The following TCAIM variants were observed in gnomAD, a reference collection of about 807,000 sequenced individuals.
The protein encoded by TCAIM is T cell activation inhibitor, mitochondrial.
A neutral mutation model predicts 58.6 loss-of-function variants in TCAIM; 36 were observed. That is an observed-to-expected ratio of 0.61 (90% CI 0.47 to 0.81). TCAIM has a LOEUF of 0.81. Among genes scored for constraint, TCAIM ranks in the 30% least tolerant of loss-of-function variants. The pLI is 0.00. For synonymous variants in TCAIM, 172 were observed against 193.6 expected (o/e 0.89, Z 0.93); for missense variants, 466 against 579.6 (o/e 0.80, Z 2.01).
At chr3:44,403,844 G>A (rs190742450) in intron 10 of TCAIM, among the ~76,000 whole-genome samples, 1 of 152,090 alleles carries the variant, frequency 6.6e-6, no homozygotes, top group East Asian at 1.9e-4. Context: ...CCTGGTCTGA[G>A]CCTCCATCAT....
chr3:44,394,623 T>C (rs578122412), intron 6 of TCAIM, among the ~76,000 whole-genome samples: 1 of 151,660 alleles, frequency 6.6e-6, no homozygotes, highest in South Asian at 2.1e-4. Context: ...CGGCCGGGTA[T>C]GGTGGCTCAC....
At chr3:44,361,603 A>T in intron 4 of TCAIM, 85 bp downstream of exon 4, 1 of 1,308,008 alleles carries the variant, frequency 7.6e-7, no homozygotes, top group Non-Finnish European at 1.0e-6. Flanking sequence ...ATACCTTTGG[A>T]TGAAAACTTT....
At chr3:44,346,289 T>C (rs570345365) in intron 1 of TCAIM, among the ~76,000 whole-genome samples, 1 of 152,276 alleles carries the variant, frequency 6.6e-6, no homozygotes, top group African/African-American at 2.4e-5. Flanking sequence ...ATTATCGGAC[T>C]GTATAGAGGT....
chr3:44,359,031 A>G (rs2125633557), intron 3 of TCAIM: 1 of 982,414 alleles, frequency 1.0e-6, no homozygotes, highest in Non-Finnish European at 1.2e-6. Context: ...TTCAAAATGT[A>G]TAGAAAAATC....
At chr3:44,388,327 C>G (rs1211724581) in intron 5 of TCAIM, among the ~76,000 whole-genome samples, 2 of 152,150 alleles carry the variant, frequency 1.3e-5, no homozygotes, top group Non-Finnish European at 2.9e-5. Context: ...CTTTAGTCTT[C>G]TTTAATCTGG....
chr3:44,396,031 T>G (rs1473613161), intron 6 of TCAIM, among the ~76,000 whole-genome samples: 2 of 152,240 alleles, frequency 1.3e-5, no homozygotes, highest in Non-Finnish European at 2.9e-5. Flanking sequence ...GAATTCGTAG[T>G]TGGAACTTGA....
intron 4 of TCAIM, among the ~76,000 whole-genome samples, chr3:44,364,973 G>A (rs1489842941): frequency 1.3e-5 from 2 of 152,098 alleles, no homozygotes; most frequent in Admixed American, 1.3e-4. Context: ...AATGTATCCT[G>A]AGGAACCAGT....
At chr3:44,400,277 C>T in intron 8 of TCAIM, 78 bp from the exon 9 acceptor site, 2 of 1,088,410 alleles carry the variant, frequency 1.8e-6, no homozygotes, top group South Asian at 3.1e-5. Context: ...TGTCTTAATG[C>T]CATTTATTGG....
intron 8 of TCAIM, among the ~76,000 whole-genome samples, chr3:44,399,422 T>A (rs1034548260): frequency 6.6e-6 from 1 of 152,220 alleles, no homozygotes; most frequent in Non-Finnish European, 1.5e-5. Context: ...TTTACATAGC[T>A]ATTGCTTTTA....
chr3:44,361,372 A>G lies in TCAIM; in HGVS notation c.173A>G (p.Asn58Ser), dbSNP rs773880659. Residue 58 changes from asparagine (N) to serine (S), a missense_variant, in exon 4 of 11, where the codon AAT (asparagine) becomes AGT (serine). Asn to Ser is a conservative substitution (Grantham distance 46). Coordinates refer to ENST00000342649, the MANE Select transcript of TCAIM (RefSeq NM_173826.4). ...CTTAATGTTTTTTTCCAGGAAATCA[A>G]TGAAAATTCTCTTAAAAGGTTAAGT... ...FGQHPVEREI[N>S]ENSLKRLSVY... 2.5e-6 allele frequency: 4 copies of G among 1,588,856 alleles called. No homozygotes were observed. The highest frequency in any genetic ancestry group is 2.3e-5 in the South Asian group (2 of 85,258).
At chr3:44,384,753 T>C (rs1701708349) in intron 5 of TCAIM, among the ~76,000 whole-genome samples, 1 of 152,236 alleles carries the variant, frequency 6.6e-6, no homozygotes, top group Non-Finnish European at 1.5e-5. Flanking sequence ...AGGATCTTTC[T>C]ACCACCAGTT....
At chr3:44,370,123 A>G (rs937139492) in intron 5 of TCAIM, among the ~76,000 whole-genome samples, 2 of 152,182 alleles carry the variant, frequency 1.3e-5, no homozygotes, top group African/African-American at 4.8e-5. Flanking sequence ...TTTAAATTCA[A>G]GCTTTTATTT....
rs1011909355 is a variant in TCAIM, at chr3:44,358,379, C to T, written c.165+503C>T. 51 of 658,242 alleles carry T rather than the reference C, an allele frequency of 7.7e-5. 1 individual carries two copies. The South Asian group carries it at 9.3e-4, about 12-fold the overall frequency. The allele number at this position is 658,242 out of a possible 1,614,324, so 40.8% of individuals were successfully genotyped here. On this transcript the variant is annotated intron_variant, in intron 3 of 10. Coordinates refer to ENST00000342649, the MANE Select transcript of TCAIM (RefSeq NM_173826.4). ...AGTTAAGACAGTCAATATATTTTAA[C>T]ATTAGAAAATACAGTCAGTCCTTCA...
rs190520304 is a variant in TCAIM at position 44,367,774 on chromosome 3, G to A, written c.572+66G>A. 43 of 1,406,314 alleles carry A rather than the reference G, an allele frequency of 3.1e-5. No homozygotes were observed. The East Asian group carries it at 6.7e-4, about 22-fold the overall frequency. The allele number at this position is 1,406,314 out of a possible 1,614,324, so 87.1% of individuals were successfully genotyped here. A position where few individuals can be genotyped will look rare whatever the true frequency, so the allele number is the denominator to read the frequency against. On this transcript the variant is annotated intron_variant, in intron 5 of 10. Coordinates refer to ENST00000342649, the MANE Select transcript of TCAIM (RefSeq NM_173826.4). ...TTGTGTTTATGACACTGATTTATTG[G>A]GATGGCAAAAACATTTTTTTATAAA...
At chr3:44,390,521 G>T (rs925059688) in intron 5 of TCAIM, among the ~76,000 whole-genome samples, 1 of 152,170 alleles carries the variant, frequency 6.6e-6, no homozygotes, top group African/African-American at 2.4e-5. Flanking sequence ...TACTAGAGAG[G>T]CTAAGTCTGG....
intron 5 of TCAIM, among the ~76,000 whole-genome samples, chr3:44,370,147 G>A (rs1358383657): frequency 1.3e-5 from 2 of 152,022 alleles, no homozygotes; most frequent in African/African-American, 4.8e-5. Context: ...CAGTTATGAG[G>A]ACAAGCTCAA....
chr3:44,363,357 C>T (rs1235632986), intron 4 of TCAIM, among the ~76,000 whole-genome samples: 1 of 152,038 alleles, frequency 6.6e-6, no homozygotes, highest in Non-Finnish European at 1.5e-5. Context: ...AAGATTGGCC[C>T]TCTGACAAAG....
intron 6 of TCAIM, 120 bp from the exon 7 acceptor site, chr3:44,396,280 T>C: frequency 4.2e-6 from 3 of 719,258 alleles, no homozygotes; most frequent in Non-Finnish European, 6.8e-6. Context: ...CAAAACATGT[T>C]ATGTGTGTGC....
intron 1 of TCAIM, among the ~76,000 whole-genome samples, chr3:44,351,563 C>T (rs772119033): frequency 2.0e-5 from 3 of 151,968 alleles, no homozygotes; most frequent in Non-Finnish European, 4.4e-5. Context: ...GGCGTGATCT[C>T]GGCTCACTCC....
Sources: gnomAD v4.1 joint callset for allele counts (sites outside exome capture counted in the v4.1 genomes callset) on GRCh38, gnomAD v4.1.1 for gene constraint, MANE v1.5 for transcripts, NCBI Gene and HGNC (gene_info 2026-07-23, HGNC 2026-07-21) for gene names.